AP2B1: variants seen among roughly 807,000 people sequenced by gnomAD.
The protein encoded by AP2B1 is AP-2 complex subunit beta.
AP2B1 carries 23 observed loss-of-function variants against 102.0 expected under a neutral mutation model. The ratio of observed to expected loss-of-function variants is 0.23; its 90% confidence interval spans 0.16 to 0.32. The LOEUF is 0.32. Among genes scored for constraint, AP2B1 ranks in the 10% least tolerant of loss-of-function variants. The pLI, the probability that AP2B1 is intolerant of heterozygous loss-of-function variation, is 1.00. For synonymous variants in AP2B1, 381 were observed against 421.2 expected, an observed-to-expected ratio of 0.90 and a Z score of 1.17; for missense variants, 541 against 1,157.4, an observed-to-expected ratio of 0.47 and a Z score of 7.73.
intron 1 of AP2B1, among the ~76,000 whole-genome samples, chr17:35,591,855 A>G (rs1471231560): frequency 2.6e-5 from 4 of 152,214 alleles, no homozygotes; most frequent in Non-Finnish European, 2.9e-5. Flanking sequence ...GGCAAGCTTC[A>G]GTATAATTTT....
intron 19 of AP2B1, 95 bp from the exon 20 acceptor site, chr17:35,710,139 G>A (rs587647712): frequency 1.1e-3 from 890 of 843,678 alleles, no homozygotes; most frequent in Non-Finnish European, 1.5e-3. Context: ...TATTGCAAGA[G>A]CCAGCATGCC....
At chr17:35,648,208 T>C (rs1031163672) in intron 12 of AP2B1, among the ~76,000 whole-genome samples, 3 of 152,000 alleles carry the variant, frequency 2.0e-5, no homozygotes, top group African/African-American at 7.2e-5. Flanking sequence ...TTTATAATGA[T>C]GACAAAAACA....
At chr17:35,676,846 G>C (rs1416361779) in intron 17 of AP2B1, among the ~76,000 whole-genome samples, 1 of 152,010 alleles carries the variant, frequency 6.6e-6, no homozygotes, top group African/African-American at 2.4e-5. Context: ...TTGTTTTTGG[G>C]GGGAGAGAGA....
chr17:35,604,208 A>G (rs866012813), intron 3 of AP2B1, among the ~76,000 whole-genome samples: 17 of 152,066 alleles, frequency 1.1e-4, no homozygotes, highest in African/African-American at 3.9e-4. Flanking sequence ...CCCAGGCTCA[A>G]GTGATCCTCC....
intron 18 of AP2B1, among the ~76,000 whole-genome samples, chr17:35,698,292 T>G (rs1389120657): frequency 2.0e-5 from 3 of 151,966 alleles, no homozygotes; most frequent in Non-Finnish European, 4.4e-5. Context: ...GTTGGAACTT[T>G]GAGGGTGTTT....
intron 9 of AP2B1, 42 bp from the exon 10 acceptor site, chr17:35,636,299 A>C: frequency 6.9e-7 from 1 of 1,439,916 alleles, no homozygotes; most frequent in Non-Finnish European, 9.7e-7. Context: ...GTGTTATCGC[A>C]TAGATCATCT....
At chr17:35,688,492 G>A (rs1054659306) in intron 18 of AP2B1, among the ~76,000 whole-genome samples, 12 of 151,994 alleles carry the variant, frequency 7.9e-5, no homozygotes, top group Non-Finnish European at 1.5e-4. Context: ...CTTTAAAACC[G>A]GAAACTCATG....
intron 21 of AP2B1, among the ~76,000 whole-genome samples, chr17:35,720,675 G>C (rs1473463984): frequency 7.0e-6 from 1 of 143,176 alleles, no homozygotes; most frequent in Admixed American, 7.2e-5. Context: ...TCCCATCTCG[G>C]CCTCCCAAAG....
chr17:35,652,209 A>G (rs924372252), intron 13 of AP2B1, among the ~76,000 whole-genome samples: 4 of 152,030 alleles, frequency 2.6e-5, no homozygotes, highest in Admixed American at 6.6e-5. Flanking sequence ...CCTTTTTGTC[A>G]TTTGTGCATG....
rs566332720 is a variant in AP2B1, at chr17:35,591,226, A to C, written c.-23-2782A>C. Reference sequence around the variant, plus strand: ...ATGGGCTGGGCACGGTGATCCCAACATGTAGTCCCAGCTACTCGGGAGGCT... The same window carrying C: ...ATGGGCTGGGCACGGTGATCCCAACCTGTAGTCCCAGCTACTCGGGAGGCT... On this transcript the variant is annotated intron_variant, in intron 1 of 21. Coordinates refer to ENST00000610402, the MANE Select transcript of AP2B1 (RefSeq NM_001030006.2). Among the ~76,000 whole-genome samples the C allele has an allele frequency of 4.0e-5, 6 of 151,646 alleles. No homozygotes were observed. The East Asian group carries it at 1.2e-3, about 29-fold the overall frequency.
chr17:35,619,373 T>C (rs1165263560), intron 5 of AP2B1, among the ~76,000 whole-genome samples: 1 of 152,154 alleles, frequency 6.6e-6, no homozygotes, highest in Non-Finnish European at 1.5e-5. Context: ...CTGGGTATGG[T>C]GGTTCACACC....
At chr17:35,699,542 C>T (rs2076202440) in intron 18 of AP2B1, among the ~76,000 whole-genome samples, 1 of 152,152 alleles carries the variant, frequency 6.6e-6, no homozygotes, top group African/African-American at 2.4e-5. Flanking sequence ...GAAGAGAGTT[C>T]TTGTTTGAAT....
Position 35,641,665 on chromosome 17 carries a change from G to C in AP2B1, c.1438-212G>C, listed in dbSNP as rs578044165. ...CCAAAAATGCATTTCGAGGTTAAAA[G>C]GGTAGAGTTTTCGGTTGAATACCTT... On this transcript the variant is annotated intron_variant, in intron 11 of 21. Transcript: ENST00000610402. 7.9e-5 allele frequency among the ~76,000 whole-genome samples: 12 copies of C among 152,328 alleles called. No individual in the cohort carries two copies. The East Asian group carries it at 2.1e-3, about 27-fold the overall frequency.
chr17:35,631,601 C>G (rs992730849), intron 9 of AP2B1, among the ~76,000 whole-genome samples: 1 of 151,640 alleles, frequency 6.6e-6, no homozygotes, highest in East Asian at 1.9e-4. Flanking sequence ...GGACATTGAT[C>G]CACATTATAA....
chr17:35,699,818 C>A (rs2076209071), intron 18 of AP2B1, among the ~76,000 whole-genome samples: 1 of 152,126 alleles, frequency 6.6e-6, no homozygotes, highest in Non-Finnish European at 1.5e-5. Context: ...GTAATCCCAG[C>A]ACTTTGGGAG....
At chr17:35,671,986 G>C (rs950000392) in intron 16 of AP2B1, 86 bp downstream of exon 16, 11 of 1,471,080 alleles carry the variant, frequency 7.5e-6, no homozygotes, top group Non-Finnish European at 1.0e-5. Flanking sequence ...ACTTCTACTG[G>C]TAATAAATCA....
At chr17:35,655,701 T>G (rs2075202311) in intron 13 of AP2B1, among the ~76,000 whole-genome samples, 1 of 152,230 alleles carries the variant, frequency 6.6e-6, no homozygotes, top group African/African-American at 2.4e-5. Context: ...TCTAATTAGC[T>G]GTAGGAGACA....
chr17:35,603,823 G>A (rs1481297284), intron 3 of AP2B1, among the ~76,000 whole-genome samples: 8 of 152,134 alleles, frequency 5.3e-5, no homozygotes, highest in African/African-American at 1.2e-4. Flanking sequence ...TTGCCCTGTC[G>A]CACTCCTGAA....
intron 5 of AP2B1, chr17:35,621,343 G>A (rs2074171129): frequency 1.0e-6 from 1 of 985,242 alleles, no homozygotes; most frequent in Non-Finnish European, 1.2e-6. Context: ...TACGGACCAG[G>A]AAAACTGAGA....
Sources: gnomAD v4.1 joint callset for allele counts (sites outside exome capture counted in the v4.1 genomes callset) on GRCh38, gnomAD v4.1.1 for gene constraint, MANE v1.5 for transcripts, NCBI Gene and HGNC (gene_info 2026-07-23, HGNC 2026-07-21) for gene names.